Variants in ZNF385D observed in about 807,000 individuals in gnomAD.
ZNF385D encodes the protein zinc finger protein 659.
ZNF385D carries 15 observed loss-of-function variants against 35.8 expected under a neutral mutation model. The ratio of observed to expected loss-of-function variants is 0.42; its 90% CI spans 0.28 to 0.64. The LOEUF is 0.64. Among genes scored for constraint, ZNF385D ranks in the 30% least tolerant of loss-of-function variants. The pLI is 0.23. For synonymous variants in ZNF385D, 212 were observed against 186.8 expected (o/e 1.13, Z -1.10); for missense variants, 474 against 494.6 (o/e 0.96, Z 0.39).
At chr3:21,756,639 C>G (rs1025155252) in intron 3 of ZNF385D, among the ~76,000 whole-genome samples, 1 of 152,148 alleles carries the variant, frequency 6.6e-6, no homozygotes, top group South Asian at 2.1e-4. Flanking sequence ...ACACTAAACA[C>G]TGAGTCGTGG....
rs746138066 is a variant in ZNF385D at position 21,602,517 on chromosome 3, C to CTTTTTTTTTTTTTTTTTTT, written c.166-37852_166-37834dup. Among the ~76,000 whole-genome samples the CTTTTTTTTTTTTTTTTTTT allele has an allele frequency of 1.9e-3, 116 of 62,692 alleles. 18 individuals are homozygous for CTTTTTTTTTTTTTTTTTTT. The highest frequency in any genetic ancestry group is 5.9e-3 in the African/African-American group (78 of 13,236). The allele number at this position is 62,692 out of a possible 152,430, so 41.1% of individuals were successfully genotyped here. A position where few individuals can be genotyped will look rare whatever the true frequency, so the allele number is the denominator to read the frequency against. Reference sequence around the variant, plus strand: ...TAGGTCTCCTGTTTCCCTGCATTTTCTTTTTTTTTTTTTTTTTTTTTTTTT... The same window carrying CTTTTTTTTTTTTTTTTTTT: ...TAGGTCTCCTGTTTCCCTGCATTTTCTTTTTTTTTTTTTTTTTTTTTTTTTTTTTTTTTTTTTTTTTTTT... On this transcript the variant is annotated intron_variant, in intron 2 of 7. Transcript: ENST00000281523.
chr3:22,023,327 T>C (rs1184719148), intron 3 of ZNF385D, among the ~76,000 whole-genome samples: 1 of 152,152 alleles, frequency 6.6e-6, no homozygotes, highest in Non-Finnish European at 1.5e-5. Flanking sequence ...TTAGAGTCCA[T>C]ATGCTTTAAA....
In ZNF385D at chr3:21,488,449, G is replaced by A. The variant is rs572663608; in HGVS notation, c.439+22412C>T. 1.5e-3 allele frequency among the ~76,000 whole-genome samples: 221 copies of A among 152,000 alleles called. 1 individual carries two copies. The highest frequency in any genetic ancestry group is 5.0e-3 in the African/African-American group (209 of 41,478). On this transcript the variant is annotated intron_variant, in intron 4 of 7. Coordinates refer to ENST00000281523, the MANE Select transcript of ZNF385D (RefSeq NM_024697.3). ...TATATGTGACTTTCATAATGCTAAT[G>A]TTGAACTATCAGTTGAGGTGCCCAA...
chr3:21,508,734 A>C (rs532000343), intron 4 of ZNF385D, among the ~76,000 whole-genome samples: 1 of 152,266 alleles, frequency 6.6e-6, no homozygotes, highest in Admixed American at 6.5e-5. Flanking sequence ...AACTTCCCTA[A>C]ACTTTGTCTA....
intron 3 of ZNF385D, among the ~76,000 whole-genome samples, chr3:22,045,500 C>G (rs1698939616): frequency 6.6e-6 from 1 of 152,044 alleles, no homozygotes; most frequent in African/African-American, 2.4e-5. Context: ...TCCCACTTCT[C>G]TTTTAATTTC....
chr3:21,908,160 A>C (rs569832947), intron 3 of ZNF385D, among the ~76,000 whole-genome samples: 3 of 148,668 alleles, frequency 2.0e-5, no homozygotes, highest in Admixed American at 6.7e-5. Context: ...CTATCTATCT[A>C]TCTATCTATC....
intron 2 of ZNF385D, among the ~76,000 whole-genome samples, chr3:22,285,251 G>C (rs1331150820): frequency 6.6e-6 from 1 of 152,114 alleles, no homozygotes; most frequent in Admixed American, 6.6e-5. Context: ...GGTGATAAGA[G>C]GCTCATCTGC....
intron 3 of ZNF385D, among the ~76,000 whole-genome samples, chr3:21,778,958 C>G (rs2071394335): frequency 6.6e-6 from 1 of 151,956 alleles, no homozygotes; most frequent in Admixed American, 6.6e-5. Context: ...TAGCCTGTTA[C>G]AGCAGTGAGA....
At chr3:21,997,734 AC>A (rs1264357514) in intron 3 of ZNF385D, among the ~76,000 whole-genome samples, 7 of 152,132 alleles carry the variant, frequency 4.6e-5, no homozygotes, top group Admixed American at 2.0e-4. Flanking sequence ...AACTTGTTCT[AC>A]TTTTTCAAGG....
chr3:21,636,390 A>AAT, intron 2 of ZNF385D, among the ~76,000 whole-genome samples: 1 of 35,766 alleles, frequency 2.8e-5, no homozygotes, highest in Non-Finnish European at 5.3e-5. Context: ...ATATATATAT[A>AAT]TATATATATA....
At chr3:21,751,370 GGC>G, upstream of ZNF385D, 1 of 1,041,022 alleles carries the variant, frequency 9.6e-7, no homozygotes, top group Non-Finnish European at 1.2e-6. Flanking sequence ...GGGCGCGGGA[GGC>G]TCTCTTAAAG....
chr3:21,677,330 G>A (rs1344049232), intron 1 of ZNF385D, among the ~76,000 whole-genome samples: 2 of 152,028 alleles, frequency 1.3e-5, no homozygotes, highest in Non-Finnish European at 2.9e-5. Flanking sequence ...ACATCATCAT[G>A]TTCTCACCCT....
At chr3:21,875,579 A>G (rs1697921324) in intron 3 of ZNF385D, among the ~76,000 whole-genome samples, 2 of 152,104 alleles carry the variant, frequency 1.3e-5, no homozygotes, top group South Asian at 4.1e-4. Context: ...TTTTCAAAAT[A>G]TATCTGATAC....
chr3:21,633,531 T>C (rs956905414), intron 2 of ZNF385D, among the ~76,000 whole-genome samples: 2 of 152,120 alleles, frequency 1.3e-5, no homozygotes, highest in Non-Finnish European at 2.9e-5. Context: ...GGATAAATTA[T>C]CAAGAGATTA....
rs570852200 is a variant in ZNF385D at position 22,008,970 on chromosome 3, G to C, written c.325+159847C>G. Among the ~76,000 whole-genome samples the C allele has an allele frequency of 8.7e-5, 13 of 150,100 alleles. 1 individual carries two copies. The South Asian group carries it at 2.7e-3, about 32-fold the overall frequency. The stretch of plus-strand genomic sequence containing the variant: ...ATAAATCAAAAGAATATGGAAGGAA[G>C]AAAATTATAAAACAAAACAACAGGA... On this transcript the variant is annotated intron_variant, in intron 3 of 5. Coordinates refer to the ZNF385D transcript ENST00000494108.
intron 2 of ZNF385D, among the ~76,000 whole-genome samples, chr3:21,652,626 C>A (rs1170142446): frequency 7.3e-6 from 1 of 137,206 alleles, no homozygotes; most frequent in African/African-American, 2.6e-5. Context: ...CCTCCCCCCT[C>A]CCCCAACCCC....
At chr3:21,520,715 G>A (rs1019616812) in intron 3 of ZNF385D, among the ~76,000 whole-genome samples, 12 of 152,090 alleles carry the variant, frequency 7.9e-5, no homozygotes, top group African/African-American at 2.7e-4. Context: ...ATAACTAACA[G>A]GTTCTTTTTA....
At chr3:22,310,555 TA>T (rs946609518) in intron 2 of ZNF385D, among the ~76,000 whole-genome samples, 8 of 151,976 alleles carry the variant, frequency 5.3e-5, no homozygotes, top group African/African-American at 1.9e-4. Context: ...TTGCTCAAGG[TA>T]AATTCCTAGA....
chr3:21,630,648 G>C (rs985382364), intron 2 of ZNF385D, among the ~76,000 whole-genome samples: 1 of 152,006 alleles, frequency 6.6e-6, no homozygotes, highest in Non-Finnish European at 1.5e-5. Flanking sequence ...TAGAAACATG[G>C]GGCTAAACAA....
Sources: allele counts gnomAD v4.1 joint callset (sites outside exome capture counted in the v4.1 genomes callset), GRCh38; gene constraint gnomAD v4.1.1; transcripts MANE v1.5; gene names NCBI Gene and HGNC (gene_info 2026-07-23, HGNC 2026-07-21).